FARP1: variants seen among roughly 807,000 people sequenced by gnomAD.
FARP1 encodes FERM, ARH/RhoGEF and pleckstrin domain protein 1, also known as FERM, ARHGEF and pleckstrin domain-containing protein 1.
A neutral mutation model predicts 128.8 loss-of-function variants in FARP1; 52 were observed. The observed-to-expected ratio is 0.40, with a 90% CI of 0.32 to 0.51. FARP1 has a LOEUF of 0.51. Among genes scored for constraint, FARP1 ranks in the 20% least tolerant of loss-of-function variants. The pLI is 0.45. For missense variants in FARP1, 1,333 were observed against 1,367.9 expected, an observed-to-expected ratio of 0.97 and a Z score of 0.40; for synonymous variants, 580 against 551.8, an observed-to-expected ratio of 1.05 and a Z score of -0.72.
chr13:98,186,989 C>T (rs1183928851), intron 1 of FARP1, among the ~76,000 whole-genome samples: 2 of 35,966 alleles, frequency 5.6e-5, no homozygotes, highest in Non-Finnish European at 9.4e-5. Context: ...GAGATTCTGT[C>T]TCAAAAAAAA....
intron 9 of FARP1, among the ~76,000 whole-genome samples, chr13:98,388,734 C>T (rs555323526): frequency 6.6e-6 from 1 of 152,304 alleles, no homozygotes; most frequent in East Asian, 1.9e-4. Context: ...GGTCATTTCC[C>T]TGCGCAGATT....
intron 20 of FARP1, 113 bp downstream of exon 20, chr13:98,438,985 G>A (rs1286312755): frequency 9.3e-6 from 13 of 1,397,788 alleles, no homozygotes; most frequent in Non-Finnish European, 1.3e-5. Context: ...AGGAAGAGCA[G>A]CCAGAGGTGC....
In FARP1 at chr13:98,176,222, C is replaced by T; in HGVS notation, c.-24+32730C>T. The T allele has an allele frequency of 6.2e-7, 1 of 1,608,530 alleles. No homozygotes were observed. The highest frequency in any genetic ancestry group is 8.5e-7 in the Non-Finnish European group (1 of 1,175,566). ...ATTTAAATGTGAGAATTATGGGAAA[C>T]CTAAGCCATGGGAATTGGACACTCA... On this transcript the variant is annotated intron_variant, in intron 1 of 26. Coordinates refer to ENST00000319562, the MANE Select transcript of FARP1 (RefSeq NM_005766.4). This position sits in a 1 kb window ranked among gnomAD's most constrained non-coding sequence, Gnocchi z 6.2.
chr13:98,305,941 C>T (rs1233354786), intron 2 of FARP1, among the ~76,000 whole-genome samples: 9 of 151,594 alleles, frequency 5.9e-5, no homozygotes, highest in African/African-American at 1.5e-4. Flanking sequence ...TGATTCTGGG[C>T]GAATCACTGG....
At position 98,451,769 on chromosome 13, in the gene FARP1, T is replaced by G. The variant is rs1440312980; in HGVS notation, c.*3452T>G. On this transcript the variant is annotated 3_prime_UTR_variant, in exon 27 of 27. Coordinates refer to ENST00000319562, the MANE Select transcript of FARP1 (RefSeq NM_005766.4). ...GCTTCATGTACCAGTCAACAGCTGC[T>G]GCACGAACCCTCCCACTCCAGAAAC... The G allele has an allele frequency of 2.0e-5, 3 of 152,256 alleles. No homozygotes were observed. The highest frequency in any genetic ancestry group is 2.9e-5 in the Non-Finnish European group (2 of 68,050). 9.4% of individuals were successfully genotyped at this position (152,256 alleles called of 1,614,324 possible).
At chr13:98,379,150 TAA>T (rs1889768611) in intron 6 of FARP1, among the ~76,000 whole-genome samples, 1 of 95,756 alleles carries the variant, frequency 1.0e-5, no homozygotes, top group South Asian at 2.4e-4. Context: ...AATCTATATA[TAA>T]TATATATATA....
chr13:98,186,852 C>T (rs1447687731), intron 1 of FARP1, among the ~76,000 whole-genome samples: 1 of 151,690 alleles, frequency 6.6e-6, no homozygotes, highest in Non-Finnish European at 1.5e-5. Context: ...ATTAGCTGGG[C>T]GTGGTGGCAT....
intron 6 of FARP1, chr13:98,381,748 A>G (rs768715258): frequency 6.6e-6 from 1 of 152,208 alleles, no homozygotes; most frequent in Non-Finnish European, 1.5e-5. Flanking sequence ...TTAAAATCAC[A>G]GGATTTTGGT....
chr13:98,438,140 A>G (rs1284408943), intron 19 of FARP1, among the ~76,000 whole-genome samples: 1 of 152,124 alleles, frequency 6.6e-6, no homozygotes, highest in Non-Finnish European at 1.5e-5. Context: ...TGCCCCTGCG[A>G]TCCATGCCCT....
chr13:98,298,837 C>A (rs1885808107), intron 2 of FARP1, among the ~76,000 whole-genome samples: 1 of 152,098 alleles, frequency 6.6e-6, no homozygotes, highest in Non-Finnish European at 1.5e-5. Context: ...ATGTTTCTTG[C>A]TGTAAAGTGG....
chr13:98,246,970 A>T (rs925193406), intron 2 of FARP1, among the ~76,000 whole-genome samples: 1 of 152,240 alleles, frequency 6.6e-6, no homozygotes, highest in Non-Finnish European at 1.5e-5. Flanking sequence ...TCACGCCTGT[A>T]ATCCCAGCAC....
chr13:98,336,887 T>C (rs1338307654), intron 2 of FARP1, among the ~76,000 whole-genome samples: 2 of 152,224 alleles, frequency 1.3e-5, no homozygotes, highest in Non-Finnish European at 2.9e-5. Context: ...CATTACATAG[T>C]TTCACGAATT....
At chr13:98,439,079 C>T (rs746800044) in intron 20 of FARP1, 28 bp from the exon 21 acceptor site, 1 of 1,587,120 alleles carries the variant, frequency 6.3e-7, no homozygotes. Flanking sequence ...AACGTGGTCT[C>T]ACCTCCACAC....
intron 2 of FARP1, among the ~76,000 whole-genome samples, chr13:98,337,849 CT>C (rs146838151): frequency 6.6e-6 from 1 of 151,916 alleles, no homozygotes; most frequent in Admixed American, 6.6e-5. Context: ...CAGTTTATTC[CT>C]TTTTTTGCCA....
chr13:98,319,811 C>A (rs1429022466), intron 2 of FARP1, among the ~76,000 whole-genome samples: 1 of 151,926 alleles, frequency 6.6e-6, no homozygotes, highest in African/African-American at 2.4e-5. Context: ...CAGTCTTTAT[C>A]TTTGAAATCT....
At chr13:98,443,922 G>A (rs1417506999) in intron 24 of FARP1, among the ~76,000 whole-genome samples, 1 of 152,226 alleles carries the variant, frequency 6.6e-6, no homozygotes, top group Non-Finnish European at 1.5e-5. Context: ...GCGGGCACGG[G>A]GGTTATATTT....
intron 3 of FARP1, among the ~76,000 whole-genome samples, chr13:98,352,742 A>C (rs1370872975): frequency 6.6e-6 from 1 of 152,242 alleles, no homozygotes; most frequent in Non-Finnish European, 1.5e-5. Flanking sequence ...ATTCAGGTGG[A>C]TCCAGCTGCC....
intron 2 of FARP1, among the ~76,000 whole-genome samples, chr13:98,268,402 C>T (rs552297902): frequency 6.6e-6 from 1 of 152,274 alleles, no homozygotes; most frequent in South Asian, 2.1e-4. Flanking sequence ...GGAAGAGATA[C>T]TGGCCAGCAG....
At chr13:98,288,471 C>T (rs184888899) in intron 2 of FARP1, among the ~76,000 whole-genome samples, 1 of 152,326 alleles carries the variant, frequency 6.6e-6, no homozygotes, top group Admixed American at 6.5e-5. Context: ...ACTATTACTT[C>T]CTTGGAGTCT....
Sources: allele counts gnomAD v4.1 joint callset (sites outside exome capture counted in the v4.1 genomes callset), GRCh38; gene constraint gnomAD v4.1.1; non-coding constraint Gnocchi (gnomAD v3.1); transcripts MANE v1.5; gene names NCBI Gene and HGNC (gene_info 2026-07-23, HGNC 2026-07-21).